The following APLF variants were observed in gnomAD, a reference collection of about 807,000 sequenced individuals.
APLF encodes aprataxin and PNKP like factor, also known as aprataxin and PNK-like factor.
APLF carries 61 observed loss-of-function variants against 55.6 expected under a neutral mutation model. The ratio of observed to expected loss-of-function variants is 1.10; its 90% CI spans 0.89 to 1.36. The LOEUF is 1.36. Ranked by LOEUF, APLF falls within the 40% of genes most tolerant of loss-of-function variation. APLF has a pLI of 0.00. For synonymous variants in APLF, 207 were observed against 214.8 expected (o/e 0.96, Z 0.32); for missense variants, 611 against 602.5 (o/e 1.01, Z -0.15).
At chr2:68,507,625 G>A (rs1676904739) in intron 3 of APLF, among the ~76,000 whole-genome samples, 2 of 152,016 alleles carry the variant, frequency 1.3e-5, no homozygotes, top group Middle Eastern at 3.4e-3. Context: ...TTAAATTATA[G>A]CACATTTCAC....
intron 1 of APLF, among the ~76,000 whole-genome samples, chr2:68,489,898 C>G (rs549469472): frequency 2.0e-5 from 3 of 152,090 alleles, no homozygotes; most frequent in South Asian, 4.2e-4. Flanking sequence ...GGTAAGAATC[C>G]CCAGTAGATG....
At position 68,517,644 on chromosome 2, in the gene APLF, AAT is replaced by A. The variant is rs369438649; in HGVS notation, c.622+3969_622+3970del. ...TATTAACATGTAACAATATATCACT[AAT>A]ATATGTTATTAACGTAACAATAATA... is the stretch of plus-strand genomic sequence containing the variant. On this transcript the variant is annotated intron_variant, in intron 5 of 9. Coordinates refer to ENST00000303795, the MANE Select transcript of APLF (RefSeq NM_173545.3). 3.2e-4 allele frequency among the ~76,000 whole-genome samples: 47 copies of A among 144,948 alleles called. No individual in the cohort carries two copies. The East Asian group carries it at 5.7e-3, about 17-fold the overall frequency.
In APLF at chr2:68,526,110, C is replaced by A; in HGVS notation, c.672C>A (p.Ser224=). The A allele has an allele frequency of 6.2e-7, 1 of 1,613,308 alleles. No homozygotes were observed. The highest frequency in any genetic ancestry group is 8.5e-7 in the Non-Finnish European group (1 of 1,179,876). Residue 224 remains serine (S), a synonymous_variant, in exon 6 of 10, where the codon TCC becomes TCA. Transcript: ENST00000303795. The part of the protein sequence containing the change: ...SGKEEICKDK[S]QLNTTQQGRR... Reference sequence around the variant, plus strand: ...AAGAAGAAATCTGCAAAGATAAATCCCAGCTAAACACAACCCAGCAAGGAA... The same window carrying A: ...AAGAAGAAATCTGCAAAGATAAATCACAGCTAAACACAACCCAGCAAGGAA...
At chr2:68,509,033 A>G (rs1676961736) in intron 3 of APLF, among the ~76,000 whole-genome samples, 1 of 152,130 alleles carries the variant, frequency 6.6e-6, no homozygotes, top group South Asian at 2.1e-4. Context: ...GAAAGCTGAA[A>G]CTGGATCCCT....
chr2:68,521,394 T>A (rs936605931), intron 5 of APLF, among the ~76,000 whole-genome samples: 1 of 151,968 alleles, frequency 6.6e-6, no homozygotes, highest in Non-Finnish European at 1.5e-5. Flanking sequence ...AGTGCTATGA[T>A]GAATAGAAGT....
intron 1 of APLF, among the ~76,000 whole-genome samples, chr2:68,469,262 T>C (rs911916744): frequency 1.6e-4 from 24 of 152,330 alleles, no homozygotes; most frequent in African/African-American, 4.3e-4. Flanking sequence ...CTAGTAATCA[T>C]ATGTCTGGTG....
chr2:68,472,170 A>G (rs116711283), intron 1 of APLF, among the ~76,000 whole-genome samples: 12 of 152,340 alleles, frequency 7.9e-5, no homozygotes, highest in Non-Finnish European at 1.6e-4. Flanking sequence ...AGCGGACTTC[A>G]GAGATAGCAG....
At chr2:68,544,230 C>A (rs145119800) in intron 7 of APLF, among the ~76,000 whole-genome samples, 52 of 152,050 alleles carry the variant, frequency 3.4e-4, no homozygotes, top group Admixed American at 2.1e-3. Flanking sequence ...CTGCCCTCCT[C>A]GGCCTCCCAA....
chr2:68,539,960 T>C (rs1372335146), intron 7 of APLF, among the ~76,000 whole-genome samples: 1 of 152,172 alleles, frequency 6.6e-6, no homozygotes, highest in Non-Finnish European at 1.5e-5. Context: ...ACTGTAATTA[T>C]TTACAGGTGA....
chr2:68,566,881 C>G (rs990910046), intron 8 of APLF, among the ~76,000 whole-genome samples: 9 of 151,738 alleles, frequency 5.9e-5, no homozygotes, highest in Non-Finnish European at 7.4e-5. Context: ...TTTTTCATAA[C>G]AAGTGATTGG....
chr2:68,518,444 T>C lies in APLF; in HGVS notation c.622+4764T>C, dbSNP rs968558610. Among the ~76,000 whole-genome samples, 567 of 113,370 alleles carry C rather than the reference T, an allele frequency of 5.0e-3. 3 individuals are homozygous for C. The highest frequency in any genetic ancestry group is 0.02 in the African/African-American group (540 of 27,394). 74.4% of individuals were successfully genotyped at this position (113,370 alleles called of 152,430 possible). A position where few individuals can be genotyped will look rare whatever the true frequency, so the allele number is the denominator to read the frequency against. ...TAATAATTTATTATATAATATATAA[T>C]AATATATTATATATTATATAACATA... On this transcript the variant is annotated intron_variant, in intron 5 of 9. Transcript: ENST00000303795.
At position 68,577,937 on chromosome 2, in the gene APLF, A is replaced by G. The variant is rs771803762; in HGVS notation, c.1451A>G (p.Asp484Gly). 6.2e-7 allele frequency: 1 copy of G among 1,613,648 alleles called. No individual in the cohort carries two copies. The highest frequency in any genetic ancestry group is 1.7e-5 in the Admixed American group (1 of 59,944). ...TATGAGCCAACAGATGAAGATTCTGACTGGGAACCAGGAAAGGAAGATGAA... is the reference window on the plus strand; with the variant it reads ...TATGAGCCAACAGATGAAGATTCTGGCTGGGAACCAGGAAAGGAAGATGAA... ...EDYEPTDEDS[D>G]WEPGKEDEEK... is the part of the protein sequence containing the mutation. The change falls in exon 10 of 10, where the codon GAC (aspartate) becomes GGC (glycine). Residue 484 changes from aspartate to glycine, a missense_variant. Asp to Gly is a moderately conservative substitution (Grantham distance 94). Coordinates refer to ENST00000303795, the MANE Select transcript of APLF (RefSeq NM_173545.3).
chr2:68,498,453 A>C (rs1435538580), intron 2 of APLF, among the ~76,000 whole-genome samples: 1 of 152,248 alleles, frequency 6.6e-6, no homozygotes, highest in East Asian at 1.9e-4. Flanking sequence ...GGAGAGTTGA[A>C]TGCAATTAGG....
At chr2:68,496,088 T>C (rs1676538210) in intron 2 of APLF, among the ~76,000 whole-genome samples, 1 of 152,102 alleles carries the variant, frequency 6.6e-6, no homozygotes, top group Admixed American at 6.5e-5. Flanking sequence ...ATATTAGAAC[T>C]TGTTTTTTTG....
intron 3 of APLF, among the ~76,000 whole-genome samples, chr2:68,504,144 G>A (rs1027403892): frequency 1.3e-5 from 2 of 151,886 alleles, no homozygotes; most frequent in African/African-American, 2.4e-5. Context: ...ATAGAAATCT[G>A]ATGAATTCTA....
At chr2:68,527,365 G>T (rs747622937) in intron 6 of APLF, among the ~76,000 whole-genome samples, 1 of 140,326 alleles carries the variant, frequency 7.1e-6, no homozygotes, top group Non-Finnish European at 1.5e-5. Context: ...TCCTCACTTC[G>T]CAGACAGGAT....
rs147563615 is a variant in APLF, at chr2:68,503,783, T to G, written c.341+880T>G. Among the ~76,000 whole-genome samples, 709 of 152,118 alleles carry G rather than the reference T, an allele frequency of 4.7e-3. 8 individuals carry two copies. Among genetic ancestry groups the G allele is most frequent in the African/African-American group, 0.016 (662 of 41,524 alleles). On this transcript the variant is annotated intron_variant, in intron 3 of 9. Coordinates refer to ENST00000303795, the MANE Select transcript of APLF (RefSeq NM_173545.3). ...ATCTGTAAAACCAGTGATCTGTGCT[T>G]CTACTTTAGGAGGATAGACAAAAAG...
At chr2:68,501,747 T>G (rs866517586) in intron 2 of APLF, among the ~76,000 whole-genome samples, 2 of 152,186 alleles carry the variant, frequency 1.3e-5, no homozygotes, top group African/African-American at 4.8e-5. Context: ...TAGTGGGAGT[T>G]TCATTTAAAC....
chr2:68,540,576 G>A (rs534713337), intron 7 of APLF, among the ~76,000 whole-genome samples: 6 of 152,230 alleles, frequency 3.9e-5, no homozygotes, highest in African/African-American at 7.2e-5. Flanking sequence ...GGTCCTTGTG[G>A]AATTGTCACG....
Sources: gnomAD v4.1 joint callset for allele counts (sites outside exome capture counted in the v4.1 genomes callset) on GRCh38, gnomAD v4.1.1 for gene constraint, MANE v1.5 for transcripts, NCBI Gene and HGNC (gene_info 2026-07-23, HGNC 2026-07-21) for gene names.